The following LPP variants were observed in gnomAD, a reference collection of about 807,000 sequenced individuals.
LPP encodes the protein lipoma-preferred partner.
A neutral mutation model predicts 60.4 loss-of-function variants in LPP; 38 were observed. That is an observed-to-expected ratio of 0.63 (90% confidence interval 0.49 to 0.83). LPP has a LOEUF of 0.83. Ranked by LOEUF, LPP falls within the 40% of genes least tolerant of loss-of-function variation. The probability of loss-of-function intolerance (pLI) is 0.00; values close to 1 mark genes in which losing one functional copy is unlikely to be tolerated. For synonymous variants in LPP, 328 were observed against 290.8 expected, an observed-to-expected ratio of 1.13 and a Z score of -1.30; for missense variants, 902 against 783.6, an observed-to-expected ratio of 1.15 and a Z score of -1.80.
At chr3:188,783,354 C>G (rs1740448033) in intron 9 of LPP, among the ~76,000 whole-genome samples, 2 of 152,120 alleles carry the variant, frequency 1.3e-5, no homozygotes, top group South Asian at 4.1e-4. Flanking sequence ...TACATATACC[C>G]CACAGAATAC....
chr3:188,390,647 C>A (rs1020054534), intron 3 of LPP, among the ~76,000 whole-genome samples: 2 of 151,434 alleles, frequency 1.3e-5, no homozygotes, highest in Non-Finnish European at 2.9e-5. Context: ...TCTACAAAAA[C>A]TCCTTCTCAT....
At chr3:188,512,821 G>A (rs1375963608) in intron 5 of LPP, among the ~76,000 whole-genome samples, 1 of 152,164 alleles carries the variant, frequency 6.6e-6, no homozygotes, top group African/African-American at 2.4e-5. Context: ...GGGAATGTGA[G>A]AAAGTGGCTT....
chr3:188,335,591 A>G (rs1293592099), intron 2 of LPP, among the ~76,000 whole-genome samples: 3 of 152,046 alleles, frequency 2.0e-5, no homozygotes, highest in African/African-American at 2.4e-5. Flanking sequence ...TATTATGTCT[A>G]TCTTTGTTGA....
At chr3:188,719,809 T>C (rs1715583536) in intron 8 of LPP, among the ~76,000 whole-genome samples, 1 of 152,214 alleles carries the variant, frequency 6.6e-6, no homozygotes, top group South Asian at 2.1e-4. Flanking sequence ...CCTTACAGAC[T>C]TTGAAGTGAC....
At chr3:188,300,206 T>A (rs1749319342) in intron 2 of LPP, among the ~76,000 whole-genome samples, 1 of 152,182 alleles carries the variant, frequency 6.6e-6, no homozygotes, top group South Asian at 2.1e-4. Context: ...GTGTTTATTT[T>A]TTTTCTTTTT....
intron 6 of LPP, among the ~76,000 whole-genome samples, chr3:188,582,154 C>CTTTTTT (rs10565240): frequency 0.018 from 1,841 of 102,138 alleles, no homozygotes; most frequent in Non-Finnish European, 0.025. Context: ...TTTTCTTTTT[C>CTTTTTT]TTTTTTTTTT....
intron 6 of LPP, among the ~76,000 whole-genome samples, chr3:188,546,695 C>T (rs955469859): frequency 4.6e-5 from 7 of 152,136 alleles, no homozygotes; most frequent in Admixed American, 2.6e-4. Context: ...CATCTATTCT[C>T]GTTCCACAAA....
At position 188,889,013 on chromosome 3, in the gene LPP, G is replaced by A. The variant is rs1052850217; in HGVS notation, c.*14534G>A. The A allele has an allele frequency of 9.1e-6, 2 of 219,210 alleles. No individual in the cohort carries two copies. Among genetic ancestry groups the A allele is most frequent in the Non-Finnish European group, 1.8e-5 (2 of 109,290 alleles). The allele number at this position is 219,210 out of a possible 1,614,324, so 13.6% of individuals were successfully genotyped here. Reference sequence around the variant, plus strand: ...GTCTGTATTAGGATGTGTGTCATATGTGTGTTCTATAAACTAAGCATCGGT... The same window carrying A: ...GTCTGTATTAGGATGTGTGTCATATATGTGTTCTATAAACTAAGCATCGGT... On this transcript the variant is annotated 3_prime_UTR_variant, in exon 12 of 12. Transcript: ENST00000617246.
chr3:188,318,496 G>A (rs1314790715), intron 2 of LPP, among the ~76,000 whole-genome samples: 1 of 151,818 alleles, frequency 6.6e-6, no homozygotes, highest in Non-Finnish European at 1.5e-5. Context: ...GAATGGAGTA[G>A]AATGTTTCCT....
chr3:188,674,760 G>T (rs927108544), intron 7 of LPP, among the ~76,000 whole-genome samples: 3 of 152,108 alleles, frequency 2.0e-5, no homozygotes, highest in African/African-American at 4.8e-5. Flanking sequence ...TACGAGAGTA[G>T]GTGTGCAAAG....
intron 3 of LPP, among the ~76,000 whole-genome samples, chr3:188,349,768 A>C (rs1202460146): frequency 6.6e-6 from 1 of 152,240 alleles, no homozygotes. Context: ...AAAAGGTGGC[A>C]GCACTGAGAC....
chr3:188,305,869 G>T lies in LPP; in HGVS notation c.-66-35794G>T, dbSNP rs548313697. Among the ~76,000 whole-genome samples the T allele has an allele frequency of 5.3e-5, 8 of 152,170 alleles. No individual in the cohort carries two copies. The South Asian group carries it at 8.3e-4, about 16-fold the overall frequency. Reference sequence around the variant, plus strand: ...GGTGTTCTTTTCCAAGGATTTTCTCGTTTACCTGTTGTTGTCTTCAATAGT... The same window carrying T: ...GGTGTTCTTTTCCAAGGATTTTCTCTTTTACCTGTTGTTGTCTTCAATAGT... On this transcript the variant is annotated intron_variant, in intron 2 of 11. Coordinates refer to ENST00000617246, the MANE Select transcript of LPP (RefSeq NM_001375462.1).
At chr3:188,490,193 G>A (rs969472434) in intron 5 of LPP, among the ~76,000 whole-genome samples, 1 of 152,174 alleles carries the variant, frequency 6.6e-6, no homozygotes, top group African/African-American at 2.4e-5. Context: ...TCAAGGAGTT[G>A]ATGAGTAAAG....
intron 7 of LPP, among the ~76,000 whole-genome samples, chr3:188,694,551 A>G (rs1862796558): frequency 6.6e-6 from 1 of 151,568 alleles, no homozygotes; most frequent in Admixed American, 6.6e-5. Context: ...AAAAATACAA[A>G]ATTATCCGGG....
intron 8 of LPP, among the ~76,000 whole-genome samples, chr3:188,719,297 A>C (rs1715372592): frequency 6.6e-6 from 1 of 152,172 alleles, no homozygotes; most frequent in African/African-American, 2.4e-5. Context: ...ATAGGGCATC[A>C]CATTGAAAGA....
rs1440245896 is a variant in LPP, at chr3:188,352,582, T to G, written c.-10+10863T>G. On this transcript the variant is annotated intron_variant, in intron 3 of 11. Coordinates refer to ENST00000617246, the MANE Select transcript of LPP (RefSeq NM_001375462.1). The surrounding 1 kb of genome is among the most constrained non-coding windows in gnomAD (Gnocchi z 4.4). ...GCTTGTGAATATCCCGTACTCTCAT[T>G]TGATGTGTGAGGACAGTGAGGCGCA... 6.6e-6 allele frequency among the ~76,000 whole-genome samples: 1 copy of G among 152,220 alleles called. No individual in the cohort carries two copies. The highest frequency in any genetic ancestry group is 1.5e-5 in the Non-Finnish European group (1 of 68,040).
At chr3:188,463,213 T>C (rs1445148978) in intron 4 of LPP, among the ~76,000 whole-genome samples, 1 of 152,132 alleles carries the variant, frequency 6.6e-6, no homozygotes, top group Admixed American at 6.5e-5. Context: ...GTTTTAGACA[T>C]AGGATCTCAC....
At chr3:188,558,078 A>G (rs979803645) in intron 6 of LPP, among the ~76,000 whole-genome samples, 4 of 152,080 alleles carry the variant, frequency 2.6e-5, no homozygotes, top group African/African-American at 7.2e-5. Flanking sequence ...TAGTATCTCT[A>G]CCTCAACCAG....
At chr3:188,859,203 A>G (rs954137850) in intron 9 of LPP, among the ~76,000 whole-genome samples, 1 of 151,666 alleles carries the variant, frequency 6.6e-6, no homozygotes, top group Non-Finnish European at 1.5e-5. Flanking sequence ...TGTGAAATGA[A>G]TTTGTTTCAG....
Sources: gnomAD v4.1 joint callset for allele counts (sites outside exome capture counted in the v4.1 genomes callset) on GRCh38, gnomAD v4.1.1 for gene constraint, Gnocchi (gnomAD v3.1) non-coding constraint, MANE v1.5 for transcripts, NCBI Gene and HGNC (gene_info 2026-07-23, HGNC 2026-07-21) for gene names.